The following PPEF1 variants were observed in gnomAD, a reference collection of about 807,000 sequenced individuals.
PPEF1 encodes protein phosphatase with EF-hand domain 1, also known as serine/threonine-protein phosphatase with EF-hands 1.
Under a neutral mutation model 53.3 loss-of-function variants are expected in PPEF1, and 12 were observed. The observed-to-expected ratio is 0.23, with a 90% CI of 0.14 to 0.36. The LOEUF (loss-of-function observed/expected upper bound fraction) is 0.36. PPEF1 is among the 10% of genes least tolerant of loss of function. The probability of loss-of-function intolerance (pLI) is 1.00; values close to 1 mark genes in which losing one functional copy is unlikely to be tolerated. For missense variants in PPEF1, 334 were observed against 490.4 expected (o/e 0.68, Z 3.01); for synonymous variants, 165 against 176.7 (o/e 0.93, Z 0.52).
chrX:18,780,257 G>C (rs1191036066), intron 7 of PPEF1, among the ~76,000 whole-genome samples: 1 of 111,962 alleles, frequency 8.9e-6, no homozygotes, highest in Non-Finnish European at 1.9e-5. Flanking sequence ...ATGATGGAAG[G>C]TTCCCCCATA....
intron 1 of PPEF1, among the ~76,000 whole-genome samples, chrX:18,719,628 T>A (rs888672833): frequency 1.8e-5 from 2 of 111,349 alleles, no homozygotes; most frequent in Non-Finnish European, 3.8e-5. Context: ...ATTACAGTCA[T>A]GAGCCACTGC....
chrX:18,804,190 C>A, intron 11 of PPEF1, 113 bp downstream of exon 11: 1 of 684,643 alleles, frequency 1.5e-6, no homozygotes, highest in Non-Finnish European at 2.1e-6. Flanking sequence ...TTCTCTAGTA[C>A]CAAACAGAAA....
At chrX:18,793,188 A>C (rs1372970043) in intron 10 of PPEF1, among the ~76,000 whole-genome samples, 1 of 108,976 alleles carries the variant, frequency 9.2e-6, no homozygotes, top group Non-Finnish European at 1.9e-5. Context: ...CTTTAGCTCC[A>C]TCCCTTAAGT....
intron 4 of PPEF1, among the ~76,000 whole-genome samples, chrX:18,753,031 T>C (rs2045476170): frequency 8.9e-6 from 1 of 111,777 alleles, no homozygotes. Flanking sequence ...AGTTAGGAAT[T>C]GCTTCCTTTT....
upstream of PPEF1, among the ~76,000 whole-genome samples, chrX:18,679,327 C>T (rs934293336): frequency 8.9e-6 from 1 of 112,197 alleles, no homozygotes; most frequent in African/African-American, 3.2e-5. Context: ...ATTCACCCAC[C>T]TCGGTCTCTC....
At chrX:18,763,163 T>C (rs754236626) in intron 6 of PPEF1, among the ~76,000 whole-genome samples, 1 of 111,715 alleles carries the variant, frequency 9.0e-6, no homozygotes, top group East Asian at 2.8e-4. Context: ...CTCTGGAGCC[T>C]CAGTAAATTT....
chrX:18,827,264 A>G lies in PPEF1; in HGVS notation c.1751-12A>G, dbSNP rs1208262777. On this transcript the variant is annotated splice_polypyrimidine_tract_variant and intron_variant, in intron 15 of 15. Coordinates refer to ENST00000470157, the MANE Select transcript of PPEF1 (RefSeq NM_001377996.1). ...AAATGAACACTCACAACCTTCTCCT[A>G]TATTCTTTTAGGCCTGATCTCCGTG... is the stretch of plus-strand genomic sequence containing the variant. 11 of 1,192,734 alleles carry G rather than the reference A, an allele frequency of 9.2e-6. No homozygotes were observed. Among genetic ancestry groups the G allele is most frequent in the Admixed American group, 8.8e-5 (4 of 45,501 alleles).
chrX:18,776,813 G>A (rs1219642716), intron 6 of PPEF1, among the ~76,000 whole-genome samples: 1 of 111,450 alleles, frequency 9.0e-6, no homozygotes, highest in Non-Finnish European at 1.9e-5. Context: ...CCAGCTACTC[G>A]GGAGGCTGAA....
chrX:18,807,757 T>C (rs1315749760), intron 12 of PPEF1, among the ~76,000 whole-genome samples: 1 of 110,533 alleles, frequency 9.0e-6, no homozygotes, highest in East Asian at 2.9e-4. Flanking sequence ...CCTACTGGGT[T>C]CAAGTGATTC....
chrX:18,776,777 A>T (rs1286854887), intron 6 of PPEF1, among the ~76,000 whole-genome samples: 2 of 111,050 alleles, frequency 1.8e-5, no homozygotes, highest in African/African-American at 3.3e-5. Context: ...AAAATTAGCC[A>T]GGCGTGGTGG....
intron 3 of PPEF1, among the ~76,000 whole-genome samples, chrX:18,687,752 G>A (rs899879944): frequency 7.0e-5 from 7 of 99,529 alleles, no homozygotes; most frequent in South Asian, 4.8e-4. Context: ...GCAGTGGCAC[G>A]ATCTCAGCTC....
intron 1 of PPEF1, among the ~76,000 whole-genome samples, chrX:18,708,445 G>T (rs188934415): frequency 1.8e-5 from 2 of 111,985 alleles, no homozygotes; most frequent in African/African-American, 3.2e-5. Flanking sequence ...ATGGCTATTG[G>T]CATCTAGTTG....
intron 12 of PPEF1, among the ~76,000 whole-genome samples, chrX:18,817,558 T>C (rs2046946521): frequency 9.0e-6 from 1 of 111,012 alleles, no homozygotes; most frequent in Non-Finnish European, 1.9e-5. Context: ...GCCAGGATGG[T>C]TTCGATCTCT....
upstream of PPEF1, among the ~76,000 whole-genome samples, chrX:18,702,918 C>T (rs1458015272): frequency 1.8e-5 from 2 of 111,165 alleles, no homozygotes; most frequent in African/African-American, 3.3e-5. Context: ...CATTCTTGGG[C>T]GTTTGTGAAC....
intron 3 of PPEF1, chrX:18,688,982 C>G (rs189310207): frequency 4.5e-5 from 5 of 111,012 alleles, no homozygotes; most frequent in East Asian, 5.7e-4. Flanking sequence ...ATAGATGAAG[C>G]CTTCAGGTAG....
chrX:18,827,579 G>A lies in PPEF1; in HGVS notation c.*92G>A. On this transcript the variant is annotated 3_prime_UTR_variant, in exon 16 of 16. Coordinates refer to ENST00000470157, the MANE Select transcript of PPEF1 (RefSeq NM_001377996.1). ...CCAACACCCCTGAAATTCATAGTCA[G>A]TAGCAGAGAAAAGCAGATCCCAATT... 2.7e-6 allele frequency: 2 copies of A among 746,838 alleles called. No individual in the cohort carries two copies. The highest frequency in any genetic ancestry group is 4.0e-6 in the Non-Finnish European group (2 of 502,530). The allele number at this position is 746,838 out of a possible 1,213,427, so 61.5% of individuals were successfully genotyped here. A position where few individuals can be genotyped will look rare whatever the true frequency, so the allele number is the denominator to read the frequency against.
chrX:18,706,161 C>T (rs995597076), upstream of PPEF1, among the ~76,000 whole-genome samples: 1 of 94,357 alleles, frequency 1.1e-5, no homozygotes, highest in Non-Finnish European at 2.1e-5. Flanking sequence ...AAGGCTGCAG[C>T]GAGCCGTGAT....
At chrX:18,746,707 G>A (rs1188373279) in intron 3 of PPEF1, among the ~76,000 whole-genome samples, 1 of 111,160 alleles carries the variant, frequency 9.0e-6, no homozygotes, top group Non-Finnish European at 1.9e-5. Flanking sequence ...CACAGAGTTG[G>A]GGTTACTAAA....
chrX:18,777,304 T>C (rs989101814), intron 6 of PPEF1, among the ~76,000 whole-genome samples: 1 of 112,393 alleles, frequency 8.9e-6, no homozygotes, highest in Admixed American at 9.4e-5. Context: ...CTGTATTAAA[T>C]TTTTTCAATT....
Sources: gnomAD v4.1 joint callset for allele counts (sites outside exome capture counted in the v4.1 genomes callset) on GRCh38, gnomAD v4.1.1 for gene constraint, MANE v1.5 for transcripts, NCBI Gene and HGNC (gene_info 2026-07-23, HGNC 2026-07-21) for gene names.